ERC2: variants seen among roughly 807,000 people sequenced by gnomAD.
ERC2 encodes the protein ERC protein 2.
Under a neutral mutation model 114.8 loss-of-function variants are expected in ERC2, and 42 were observed. The ratio of observed to expected loss-of-function variants is 0.37; its 90% CI spans 0.29 to 0.47. ERC2 has a LOEUF of 0.47. ERC2 is among the 20% of genes least tolerant of loss of function. The pLI, the probability that ERC2 is intolerant of heterozygous loss-of-function variation, is 0.99. For synonymous variants in ERC2, 454 were observed against 425.5 expected (o/e 1.07, Z -0.82); for missense variants, 939 against 1,150.7 (o/e 0.82, Z 2.66).
chr3:55,714,216 C>T (rs149234228), intron 15 of ERC2, among the ~76,000 whole-genome samples: 92 of 152,084 alleles, frequency 6.0e-4, no homozygotes, highest in Non-Finnish European at 1.0e-3. Context: ...TGCTTTCATC[C>T]ACTGTTGGCA....
chr3:56,006,638 C>T (rs1463042839), intron 10 of ERC2, among the ~76,000 whole-genome samples: 1 of 152,028 alleles, frequency 6.6e-6, no homozygotes, highest in Non-Finnish European at 1.5e-5. Flanking sequence ...TTTTCCAAAG[C>T]CTTCTATCTA....
chr3:55,632,175 G>C (rs1443000875), intron 17 of ERC2, among the ~76,000 whole-genome samples: 1 of 152,200 alleles, frequency 6.6e-6, no homozygotes, highest in African/African-American at 2.4e-5. Flanking sequence ...ATGCACACCA[G>C]CAGGGGAAGT....
intron 3 of ERC2, among the ~76,000 whole-genome samples, chr3:56,261,877 C>T (rs2052955305): frequency 6.6e-6 from 1 of 152,118 alleles, no homozygotes. Context: ...TTCCACCCTC[C>T]AATAGTCCCC....
At chr3:55,826,322 C>T (rs181667019) in intron 14 of ERC2, among the ~76,000 whole-genome samples, 1 of 152,268 alleles carries the variant, frequency 6.6e-6, no homozygotes, top group East Asian at 1.9e-4. Flanking sequence ...GAAGCCACTA[C>T]AGAACAGTCA....
chr3:56,163,142 C>A (rs527256919), intron 4 of ERC2, among the ~76,000 whole-genome samples: 11 of 152,116 alleles, frequency 7.2e-5, no homozygotes, highest in Admixed American at 7.2e-4. Context: ...CATGCAGGAG[C>A]AAATTGTTTA....
intron 16 of ERC2, among the ~76,000 whole-genome samples, chr3:55,693,619 A>G (rs1332454243): frequency 6.6e-6 from 1 of 152,158 alleles, no homozygotes; most frequent in Non-Finnish European, 1.5e-5. Flanking sequence ...GGGGAAATGG[A>G]AGGAATAAAC....
intron 3 of ERC2, among the ~76,000 whole-genome samples, chr3:56,234,195 A>C (rs1188143044): frequency 1.3e-5 from 2 of 152,234 alleles, no homozygotes; most frequent in African/African-American, 4.8e-5. Context: ...AGTACAGGCA[A>C]GACAAAGAGT....
intron 17 of ERC2, among the ~76,000 whole-genome samples, chr3:55,588,621 C>T (rs1369100140): frequency 6.6e-6 from 1 of 152,200 alleles, no homozygotes; most frequent in Admixed American, 6.5e-5. Context: ...TCACTCTTAG[C>T]ACCTCTGTGT....
chr3:55,728,797 C>CT (rs2065074911), intron 15 of ERC2, among the ~76,000 whole-genome samples: 1 of 152,176 alleles, frequency 6.6e-6, no homozygotes, highest in Admixed American at 6.5e-5. Flanking sequence ...AAGGTCAAGA[C>CT]TTGTACTCTG....
At chr3:55,903,932 G>C (rs1028881021) in intron 13 of ERC2, among the ~76,000 whole-genome samples, 2 of 152,224 alleles carry the variant, frequency 1.3e-5, no homozygotes, top group South Asian at 4.1e-4. Flanking sequence ...TGCCCAGTAG[G>C]TCAACAGCAG....
At chr3:55,766,160 C>T (rs974508115) in intron 14 of ERC2, among the ~76,000 whole-genome samples, 23 of 151,980 alleles carry the variant, frequency 1.5e-4, no homozygotes, top group African/African-American at 4.1e-4. Flanking sequence ...GCCAGCAGAT[C>T]GCCAAAACCT....
intron 3 of ERC2, among the ~76,000 whole-genome samples, chr3:56,251,712 G>T (rs2052166813): frequency 6.6e-6 from 1 of 152,208 alleles, no homozygotes; most frequent in Admixed American, 6.5e-5. Context: ...TAGGTGAAAT[G>T]CTGTGGAAAA....
At chr3:55,755,469 A>G (rs908403273) in intron 14 of ERC2, among the ~76,000 whole-genome samples, 1 of 152,232 alleles carries the variant, frequency 6.6e-6, no homozygotes, top group Non-Finnish European at 1.5e-5. Flanking sequence ...TAGTTAAGGC[A>G]TTATTGCTTC....
At chr3:55,731,665 T>C (rs1037680338) in intron 15 of ERC2, among the ~76,000 whole-genome samples, 2 of 152,206 alleles carry the variant, frequency 1.3e-5, no homozygotes, top group Non-Finnish European at 2.9e-5. Context: ...TTATGGTATA[T>C]CCAACTGTGA....
At chr3:56,056,357 A>C (rs2076014521) in intron 7 of ERC2, among the ~76,000 whole-genome samples, 1 of 152,192 alleles carries the variant, frequency 6.6e-6, no homozygotes, top group South Asian at 2.1e-4. Flanking sequence ...CATGCTTGCT[A>C]TGACTTTGTT....
chr3:56,073,458 C>T (rs1270329178), intron 7 of ERC2, among the ~76,000 whole-genome samples: 2 of 152,182 alleles, frequency 1.3e-5, no homozygotes, highest in African/African-American at 4.8e-5. Flanking sequence ...AGCAAATGTT[C>T]CCAGGGGAGT....
intron 13 of ERC2, among the ~76,000 whole-genome samples, chr3:55,914,472 A>C (rs945941539): frequency 6.6e-6 from 1 of 152,220 alleles, no homozygotes. Context: ...GAATACTGCC[A>C]GCTTTTCACT....
At chr3:55,970,289 T>A (rs867707191) in intron 12 of ERC2, among the ~76,000 whole-genome samples, 2 of 152,076 alleles carry the variant, frequency 1.3e-5, no homozygotes, top group Non-Finnish European at 2.9e-5. Context: ...CTATTCCCTT[T>A]ACAACTTATT....
At chr3:55,874,596 C>T (rs2062738448) in intron 14 of ERC2, among the ~76,000 whole-genome samples, 1 of 152,048 alleles carries the variant, frequency 6.6e-6, no homozygotes, top group Non-Finnish European at 1.5e-5. Flanking sequence ...TTAAGTCATT[C>T]TAACAAATCT....
Sources: allele counts gnomAD v4.1 joint callset (sites outside exome capture counted in the v4.1 genomes callset), GRCh38; gene constraint gnomAD v4.1.1; transcripts MANE v1.5; gene names NCBI Gene and HGNC (gene_info 2026-07-23, HGNC 2026-07-21).